ESPL1: variants seen among roughly 807,000 people sequenced by gnomAD.
ESPL1 encodes the protein separin.
A neutral mutation model predicts 217.2 loss-of-function variants in ESPL1; 50 were observed. That is an observed-to-expected ratio of 0.23 (90% CI 0.18 to 0.29). ESPL1 has a LOEUF of 0.29. Ranked by LOEUF, ESPL1 falls within the 10% of genes least tolerant of loss-of-function variation. ESPL1 has a pLI of 1.00. For missense variants in ESPL1, 1,834 were observed against 2,603.0 expected, an observed-to-expected ratio of 0.70 and a Z score of 6.43; for synonymous variants, 994 against 1,081.3, an observed-to-expected ratio of 0.92 and a Z score of 1.58.
Position 53,288,313 on chromosome 12 carries a change from G to T in ESPL1, c.4518G>T (p.Arg1506Ser). 1 of 1,601,600 alleles carries T rather than the reference G, an allele frequency of 6.2e-7. No homozygotes were observed. Among genetic ancestry groups the T allele is most frequent in the Non-Finnish European group, 8.5e-7 (1 of 1,174,716 alleles). The part of the protein sequence containing the change: ...NWRKMSFEIL[R>S]GSDGEDSASG... ...GAAAAATGAGCTTTGAGATCCTCAG[G>T]GGCTCTGACGGGGAAGACTCAGCCT... Residue 1506 changes from arginine to serine, a missense_variant, in exon 19 of 31, where the codon AGG becomes AGT. Around this residue, in one of 5 missense-constraint regions of ESPL1, gnomAD observed 681 missense variants for 808.0 expected, o/e 0.84. Coordinates refer to ENST00000257934, the MANE Select transcript of ESPL1 (RefSeq NM_012291.5).
rs202171821 is a variant in ESPL1 at position 53,288,200 on chromosome 12, C to T, written c.4405C>T (p.Arg1469Trp). ...GGTGGCATCAAGACATTGTGAGGAG[C>T]GGCGTCCCCAGAGGGCCAGTGACCA... ...KKVASRHCEERRPQRASDQAR... is the reference protein window; with the variant it reads ...KKVASRHCEEWRPQRASDQAR... The change falls in exon 19 of 31, where the codon CGG becomes TGG. Residue 1469 changes from arginine to tryptophan, a missense_variant. Physicochemically the swap from Arg to Trp is moderately radical, Grantham distance 101 (BLOSUM62 -3). Transcript: ENST00000257934. 210 of 1,610,934 alleles carry T rather than the reference C, an allele frequency of 1.3e-4. No homozygotes were observed. The East Asian group carries it at 2.8e-3, about 21-fold the overall frequency.
In ESPL1 at chr12:53,277,739, G is replaced by A. The variant is rs185854774; in HGVS notation, c.2225-82G>A. The A allele has an allele frequency of 5.5e-5, 87 of 1,582,974 alleles. No homozygotes were observed. The African/African-American group carries it at 1.0e-3, about 19-fold the overall frequency. ...GAAGCAGTGGGAGGTTGGCGTAAAG[G>A]GCAGAGGATGTTATGGAGGAAGGGA... is the stretch of plus-strand genomic sequence containing the variant. On this transcript the variant is annotated intron_variant, in intron 10 of 30. Transcript: ENST00000257934.
In ESPL1 at chr12:53,288,666, C is replaced by T. The variant is rs552155175; in HGVS notation, c.4675C>T (p.Arg1559Trp). ...GGAGAGTGACAAGGACCTTGGTCCT[C>T]GGCTCCGGCTCCCCTCAGCCCCCGT... ...DKESDKDLGP[R>W]LRLPSAPVAT... The change falls in exon 20 of 31, where the codon CGG becomes TGG. Residue 1559 changes from arginine to tryptophan, a missense_variant. By Grantham distance (101) the Arg-to-Trp change is moderately radical. Coordinates refer to ENST00000257934, the MANE Select transcript of ESPL1 (RefSeq NM_012291.5). 1.8e-5 allele frequency: 29 copies of T among 1,613,428 alleles called. No homozygotes were observed. Among genetic ancestry groups the T allele is most frequent in the African/African-American group, 4.0e-5 (3 of 75,028 alleles).
chr12:53,284,037 CT>C lies in ESPL1; in HGVS notation c.3078-20del, dbSNP rs1311027500. 6.5e-7 allele frequency: 1 copy of C among 1,540,070 alleles called. No individual in the cohort carries two copies. Among genetic ancestry groups the C allele is most frequent in the Admixed American group, 1.7e-5 (1 of 59,828 alleles). ...AAACAAAGGATTCCTCTGATTGGTTCTCCTCTCCTCTCTCAACAAGGTGTGC... is the reference window on the plus strand; with the variant it reads ...AAACAAAGGATTCCTCTGATTGGTTCCCTCTCCTCTCTCAACAAGGTGTGC... On this transcript the variant is annotated intron_variant, in intron 16 of 30. Coordinates refer to ENST00000257934, the MANE Select transcript of ESPL1 (RefSeq NM_012291.5).
Position 53,282,659 on chromosome 12 carries a change from T to C in ESPL1, c.2791+224T>C, listed in dbSNP as rs569764888. 7.9e-5 allele frequency among the ~76,000 whole-genome samples: 12 copies of C among 152,324 alleles called. No individual in the cohort carries two copies. The East Asian group carries it at 2.3e-3, about 29-fold the overall frequency. ...AGGCTGAAAGGATTTTTTTTTCTTT[T>C]CTTTTTTTTCTAAGACGGAGTTTCG... On this transcript the variant is annotated intron_variant, in intron 14 of 30. Coordinates refer to ENST00000257934, the MANE Select transcript of ESPL1 (RefSeq NM_012291.5). The surrounding 1 kb of genome is among the most constrained non-coding windows in gnomAD (Gnocchi z 4.0).
intron 13 of ESPL1, 60 bp downstream of exon 13, chr12:53,281,686 C>T (rs1943865362): frequency 2.4e-5 from 36 of 1,530,932 alleles, no homozygotes; most frequent in Non-Finnish European, 3.2e-5. Flanking sequence ...TTAGGATTTT[C>T]TTGATATTTG....
intron 1 of ESPL1, among the ~76,000 whole-genome samples, 182 bp from the exon 2 acceptor site, chr12:53,268,573 G>A (rs1436595812): frequency 1.3e-5 from 2 of 152,204 alleles, no homozygotes; most frequent in African/African-American, 4.8e-5. Context: ...TCGGGGATCT[G>A]CCCGGAGGAA....
Position 53,286,094 on chromosome 12 carries a change from G to C in ESPL1, c.3358G>C (p.Ala1120Pro), listed in dbSNP as rs767059708. The change falls in exon 18 of 31, where the codon GCA becomes CCA. Residue 1120 changes from alanine to proline, a missense_variant. Around this residue, in one of 5 missense-constraint regions of ESPL1, gnomAD observed 681 missense variants for 808.0 expected, o/e 0.84. Coordinates refer to ENST00000257934, the MANE Select transcript of ESPL1 (RefSeq NM_012291.5). The surrounding 1 kb of genome is among the most constrained non-coding windows in gnomAD (Gnocchi z 5.3). ...ATVAKEPGPIAPSTNSSPVLK... is the reference protein window; with the variant it reads ...ATVAKEPGPIPPSTNSSPVLK... Reference sequence around the variant, plus strand: ...TGTGGCCAAGGAGCCTGGCCCCATAGCACCTTCTACAAACTCCTCCCCAGT... The same window carrying C: ...TGTGGCCAAGGAGCCTGGCCCCATACCACCTTCTACAAACTCCTCCCCAGT... 1 of 1,613,064 alleles carries C rather than the reference G, an allele frequency of 6.2e-7. No homozygotes were observed. Among genetic ancestry groups the C allele is most frequent in the Admixed American group, 1.7e-5 (1 of 59,988 alleles).
intron 5 of ESPL1, among the ~76,000 whole-genome samples, chr12:53,271,651 C>A: frequency 6.6e-6 from 1 of 150,622 alleles, no homozygotes; most frequent in South Asian, 2.1e-4. Context: ...AGAGGGCACT[C>A]CAGCCTGGGC....
At chr12:53,278,488 T>TA (rs34127196) in intron 11 of ESPL1, among the ~76,000 whole-genome samples, 47,586 of 146,506 alleles carry the variant, frequency 0.32, 7,791 homozygotes, top group Admixed American at 0.37. Context: ...GCTATTTCAT[T>TA]AAAAAAAAAA....
At chr12:53,278,906 G>A (rs1406186014) in intron 11 of ESPL1, among the ~76,000 whole-genome samples, 5 of 147,694 alleles carry the variant, frequency 3.4e-5, no homozygotes, top group South Asian at 2.2e-4. Context: ...CCCCCCCGCC[G>A]AGATAGAGTC....
chr12:53,279,913 C>A, intron 12 of ESPL1, 47 bp downstream of exon 12: 1 of 1,500,112 alleles, frequency 6.7e-7, no homozygotes, highest in Non-Finnish European at 8.9e-7. Flanking sequence ...GGGCCCGTAG[C>A]TTTAGAGGCC....
At position 53,277,879 on chromosome 12, in the gene ESPL1, G is replaced by A. The variant is rs149815657; in HGVS notation, c.2283G>A (p.Gly761=). ...TGTGGAAGGAGCTGCTTACAAAGGG[G>A]CAGGCCCCAGCTGTACGGTGTCTCC... ...LALWKELLTK[G]QAPAVRCLQQ... Residue 761 remains glycine, a synonymous_variant, in exon 11 of 31, where the codon GGG becomes GGA. Transcript: ENST00000257934. 6.2e-6 allele frequency: 10 copies of A among 1,614,208 alleles called. No homozygotes were observed. The African/African-American group carries it at 1.2e-4, about 19-fold the overall frequency.
Position 53,293,421 on chromosome 12 carries a change from T to A in ESPL1, c.6310T>A (p.Tyr2104Asn), listed in dbSNP as rs201705856. 55 of 1,613,998 alleles carry A rather than the reference T, an allele frequency of 3.4e-5. No homozygotes were observed. Among genetic ancestry groups the A allele is most frequent in the Non-Finnish European group, 4.6e-5 (54 of 1,180,016 alleles). ...GGCCCGCCAAGCTCCCCGACTCAAG[T>A]ATCTTATTGGGGCTGCACCTATAGC... ...NQARQAPRLK[Y>N]LIGAAPIAYG... is the part of the protein sequence containing the mutation. Residue 2104 changes from tyrosine (Y) to asparagine (N), a missense_variant, in exon 31 of 31, where the codon TAT becomes AAT. Around this residue, in one of 5 missense-constraint regions of ESPL1, gnomAD observed 295 missense variants for 519.8 expected, o/e 0.57. Transcript: ENST00000257934. The surrounding 1 kb of genome is among the most constrained non-coding windows in gnomAD (Gnocchi z 4.2).
At position 53,283,507 on chromosome 12, in the gene ESPL1, A is replaced by C. The variant is rs759814949; in HGVS notation, c.3046A>C (p.Lys1016Gln). Residue 1016 changes from lysine to glutamine, a missense_variant, in exon 16 of 31, where the codon AAA becomes CAA. Lys to Gln is a moderately conservative substitution (Grantham distance 53, BLOSUM62 1). Around this residue, in one of 5 missense-constraint regions of ESPL1, gnomAD observed 107 missense variants for 171.7 expected, o/e 0.62. Transcript: ENST00000257934. ...EAKAFCLEALKLTTKLQIPRQ... is the reference protein window; with the variant it reads ...EAKAFCLEALQLTTKLQIPRQ... ...CAAGGCCTTTTGCTTGGAGGCCCTAAAACTTACAACAAAGCTGCAGATACC... is the reference window on the plus strand; with the variant it reads ...CAAGGCCTTTTGCTTGGAGGCCCTACAACTTACAACAAAGCTGCAGATACC... 1.2e-6 allele frequency: 2 copies of C among 1,614,158 alleles called. No homozygotes were observed. The highest frequency in any genetic ancestry group is 2.2e-5 in the South Asian group (2 of 91,082).
rs34130634 is a variant in ESPL1 at position 53,286,142 on chromosome 12, A to G, written c.3406A>G (p.Ile1136Val). 1,822 of 1,614,180 alleles carry G rather than the reference A, an allele frequency of 1.1e-3. 17 individuals are homozygous for G. In the African/African-American group the frequency reaches 0.021, roughly 19 times the overall value. ...AGTCTTGAAAACCAAGCCCCAGCCC[A>G]TACCCAACTTCCTGTCCCATTCACC... ...SPVLKTKPQP[I>V]PNFLSHSPTC... Residue 1136 changes from isoleucine to valine, a missense_variant, in exon 18 of 31, where the codon ATA becomes GTA. By Grantham distance (29) the Ile-to-Val change is conservative. Transcript: ENST00000257934. This position sits in a 1 kb window ranked among gnomAD's most constrained non-coding sequence, Gnocchi z 5.3.
chr12:53,278,477 C>T (rs1281042091), intron 11 of ESPL1, among the ~76,000 whole-genome samples: 2 of 64,244 alleles, frequency 3.1e-5, no homozygotes, highest in Admixed American at 2.1e-4. Context: ...TGCTGTTTCA[C>T]GCTATTTCAT....
chr12:53,284,013 A>G (rs201893277), intron 16 of ESPL1, 45 bp from the exon 17 acceptor site: 1 of 1,398,890 alleles, frequency 7.1e-7, no homozygotes, highest in African/African-American at 1.4e-5. Context: ...TCTCCAGGAA[A>G]ACAAAGGATT....
chr12:53,291,945 C>G, intron 26 of ESPL1, 39 bp from the exon 27 acceptor site: 2 of 1,607,852 alleles, frequency 1.2e-6, no homozygotes, highest in Non-Finnish European at 1.7e-6. Flanking sequence ...CTGCATATAC[C>G]TGGCTGGGGA....
Sources: gnomAD v4.1 joint callset for allele counts (sites outside exome capture counted in the v4.1 genomes callset) on GRCh38, gnomAD v4.1.1 for gene constraint, gnomAD v4.1.1 regional missense constraint, Gnocchi (gnomAD v3.1) non-coding constraint, MANE v1.5 for transcripts, NCBI Gene and HGNC (gene_info 2026-07-23, HGNC 2026-07-21) for gene names.